SEC31A: variants seen among roughly 807,000 people sequenced by gnomAD.
SEC31A encodes the protein SEC31 homolog A, COPII component, also known as protein transport protein Sec31A.
Under a neutral mutation model 151.0 loss-of-function variants are expected in SEC31A, and 70 were observed. That is an observed-to-expected ratio of 0.46 (90% CI 0.38 to 0.57). The LOEUF is 0.57. SEC31A is among the 20% of genes least tolerant of loss of function. The pLI, the probability that SEC31A is intolerant of heterozygous loss-of-function variation, is 0.00. For synonymous variants in SEC31A, 475 were observed against 505.9 expected (o/e 0.94, Z 0.82); for missense variants, 1,330 against 1,471.2 (o/e 0.90, Z 1.57).
intron 22 of SEC31A, among the ~76,000 whole-genome samples, chr4:82,830,472 A>C (rs981968292): frequency 2.6e-5 from 4 of 152,222 alleles, no homozygotes; most frequent in African/African-American, 9.6e-5. Flanking sequence ...AAAAGTAAAA[A>C]ATAAAAATAA....
chr4:82,889,567 A>AG (rs1741784248), intron 1 of SEC31A, among the ~76,000 whole-genome samples: 1 of 151,286 alleles, frequency 6.6e-6, no homozygotes, highest in African/African-American at 2.4e-5. Flanking sequence ...AAAAAGTAAA[A>AG]GAAAAAAAAA....
intron 26 of SEC31A, 30 bp from the exon 27 acceptor site, chr4:82,819,283 T>C: frequency 6.6e-7 from 1 of 1,515,022 alleles, no homozygotes; most frequent in Non-Finnish European, 8.9e-7. Flanking sequence ...AGAGAAAGAA[T>C]TAAATTAAGG....
chr4:82,825,939 C>T (rs1724452272), intron 24 of SEC31A, among the ~76,000 whole-genome samples: 1 of 152,126 alleles, frequency 6.6e-6, no homozygotes, highest in Non-Finnish European at 1.5e-5. Flanking sequence ...CTGGATTCCA[C>T]AGAAAAGATT....
At chr4:82,884,120 G>A (rs903117616) in intron 1 of SEC31A, among the ~76,000 whole-genome samples, 18 of 150,776 alleles carry the variant, frequency 1.2e-4, no homozygotes, top group African/African-American at 4.4e-4. Context: ...CCAAGTAACT[G>A]GGATTACAGG....
intron 5 of SEC31A, among the ~76,000 whole-genome samples, chr4:82,875,355 G>A (rs1045760519): frequency 6.6e-6 from 1 of 152,190 alleles, no homozygotes; most frequent in Non-Finnish European, 1.5e-5. Flanking sequence ...CCATGGTCTT[G>A]TCTAAGTGTG....
intron 17 of SEC31A, 76 bp from the exon 18 acceptor site, chr4:82,853,791 A>G: frequency 3.4e-6 from 4 of 1,176,150 alleles, no homozygotes; most frequent in Non-Finnish European, 4.8e-6. Context: ...GCTAAATAAT[A>G]TTTTCAGAGG....
chr4:82,871,444 A>G (rs747979753), intron 7 of SEC31A: 2 of 1,433,446 alleles, frequency 1.4e-6, no homozygotes, highest in Non-Finnish European at 1.9e-6. Flanking sequence ...AAAACAATGG[A>G]TAACAAAACC....
intron 22 of SEC31A, among the ~76,000 whole-genome samples, chr4:82,840,983 T>C (rs952949151): frequency 3.3e-5 from 5 of 152,228 alleles, no homozygotes; most frequent in African/African-American, 1.2e-4. Flanking sequence ...CTAAATTTAT[T>C]TAAAATTATT....
At position 82,862,529 on chromosome 4, in the gene SEC31A, C is replaced by T; in HGVS notation, c.1548+5G>A. The T allele has an allele frequency of 6.2e-7, 1 of 1,612,786 alleles. No individual in the cohort carries two copies. Among genetic ancestry groups the T allele is most frequent in the South Asian group, 1.1e-5 (1 of 91,016 alleles). On this transcript the variant is annotated splice_donor_5th_base_variant and intron_variant, in intron 13 of 26. Coordinates refer to ENST00000395310, the MANE Select transcript of SEC31A (RefSeq NM_001077207.4). ...GAAGGTAGCTATTTTTAAAGGCCTT[C>T]TTACCACATTGGCTCCATCCACTTT...
chr4:82,869,571 G>C (rs556433993), intron 8 of SEC31A, among the ~76,000 whole-genome samples: 2 of 152,060 alleles, frequency 1.3e-5, no homozygotes, highest in South Asian at 4.2e-4. Context: ...TAAGTTCCAT[G>C]AATTTTGAAT....
exon 2 of SEC31A, chr4:82,900,081 T>C (rs1410367488): frequency 6.6e-6 from 1 of 152,330 alleles, no homozygotes; most frequent in Non-Finnish European, 1.5e-5. Flanking sequence ...CCTTACCTTA[T>C]TTCCTTCATT....
At chr4:82,840,407 T>G (rs991690702) in intron 22 of SEC31A, among the ~76,000 whole-genome samples, 8 of 152,184 alleles carry the variant, frequency 5.3e-5, no homozygotes, top group African/African-American at 1.9e-4. Flanking sequence ...TTTTTGGAAC[T>G]CTACAAATGA....
chr4:82,883,166 T>A (rs2125869865), intron 1 of SEC31A, among the ~76,000 whole-genome samples: 1 of 152,300 alleles, frequency 6.6e-6, no homozygotes, highest in Admixed American at 6.5e-5. Context: ...TATAGTATTA[T>A]GTACTTTTTA....
chr4:82,848,960 AAG>A lies in SEC31A; in HGVS notation c.2344_2345del (p.Leu782SerfsTer2). The A allele has an allele frequency of 6.2e-7, 1 of 1,613,528 alleles. No homozygotes were observed. Among genetic ancestry groups the A allele is most frequent in the Non-Finnish European group, 8.5e-7 (1 of 1,179,786 alleles). On this transcript the variant is annotated frameshift_variant, in exon 20 of 27. Coordinates refer to ENST00000395310, the MANE Select transcript of SEC31A (RefSeq NM_001077207.4). LOFTEE classifies it high-confidence loss of function. ...DNTNQPNIMQLRDRLCRAQGE... is the reference protein window; with the variant it reads ...DNTNQPNIMQXRDRLCRAQGE... The stretch of plus-strand genomic sequence containing the variant: ...CTTGTGCTCTACAAAGTCTGTCACG[AAG>A]CTGCATGATATTTGGCTAAAAAGGA...
rs1237819573 is a variant in SEC31A, at chr4:82,818,604, C to CA, written c.*469dup. On this transcript the variant is annotated 3_prime_UTR_variant, in exon 27 of 27. Transcript: ENST00000395310. ...TTATTTACTCAGGAATCCTAAGACA[C>CA]AAAAAATAAACTAAATTTTAAGCAG... 6.6e-6 allele frequency: 1 copy of CA among 152,156 alleles called. No individual in the cohort carries two copies. Among genetic ancestry groups the CA allele is most frequent in the East Asian group, 1.9e-4 (1 of 5,180 alleles). The allele number at this position is 152,156 out of a possible 1,614,324, so 9.4% of individuals were successfully genotyped here.
At chr4:82,835,522 C>G (rs182889795) in intron 22 of SEC31A, among the ~76,000 whole-genome samples, 20 of 152,212 alleles carry the variant, frequency 1.3e-4, no homozygotes, top group Non-Finnish European at 2.2e-4. Context: ...TAAGGTCAGG[C>G]GTGGTGGCTT....
intron 22 of SEC31A, among the ~76,000 whole-genome samples, chr4:82,835,152 A>C (rs541017659): frequency 2.6e-5 from 4 of 152,210 alleles, no homozygotes; most frequent in African/African-American, 9.6e-5. Context: ...TGGCCTAAAC[A>C]TGACTTTTTA....
At chr4:82,867,421 T>C (rs1249794659) in intron 8 of SEC31A, 105 bp from the exon 9 acceptor site, 1 of 901,782 alleles carries the variant, frequency 1.1e-6, no homozygotes, top group Non-Finnish European at 1.7e-6. Context: ...AAATTGAATA[T>C]TTTTTTGTAG....
At position 82,842,295 on chromosome 4, in the gene SEC31A, C is replaced by A; in HGVS notation, c.2813G>T (p.Ser938Ile). Residue 938 changes from serine (S) to isoleucine (I), a missense_variant, in exon 22 of 27, where the codon AGC (serine) becomes ATC (isoleucine). Physicochemically the swap from Ser to Ile is moderately radical, Grantham distance 142. Transcript: ENST00000395310. The part of the protein sequence containing the change: ...AQHQASSPTS[S>I]PATSFPPPPS... Reference sequence around the variant, plus strand: ...GGGAGGAGGGAAAGAAGTAGCAGGGCTGGAGGTAGGTGAAGAGGCCTGGTG... The same window carrying A: ...GGGAGGAGGGAAAGAAGTAGCAGGGATGGAGGTAGGTGAAGAGGCCTGGTG... 2 of 1,613,546 alleles carry A rather than the reference C, an allele frequency of 1.2e-6. No homozygotes were observed. Among genetic ancestry groups the A allele is most frequent in the Non-Finnish European group, 1.7e-6 (2 of 1,179,786 alleles).
Sources: gnomAD v4.1 joint callset for allele counts (sites outside exome capture counted in the v4.1 genomes callset) on GRCh38, gnomAD v4.1.1 for gene constraint, MANE v1.5 for transcripts, NCBI Gene and HGNC (gene_info 2026-07-23, HGNC 2026-07-21) for gene names.